TRMT9B: variants seen among roughly 807,000 people sequenced by gnomAD.
The protein encoded by TRMT9B is probable tRNA methyltransferase 9B.
TRMT9B carries 16 observed loss-of-function variants against 11.5 expected under a neutral mutation model. That is an observed-to-expected ratio of 1.39 (90% CI 0.94 to 2.11). The LOEUF is 2.11. Ranked by LOEUF, TRMT9B falls within the 30% of genes most tolerant of loss-of-function variation. The probability of loss-of-function intolerance (pLI) is 0.00; values close to 1 mark genes in which losing one functional copy is unlikely to be tolerated. For synonymous variants in TRMT9B, 274 were observed against 192.4 expected (o/e 1.42, Z -3.51); for missense variants, 941 against 553.8 (o/e 1.70, Z -7.02).
rs1314176529 is a variant in TRMT9B, at chr8:12,987,632, C to T, written c.-199-3202C>T. ...ATTTGCACCTGGGAGGTCAAGGCTG[C>T]AGTGAGCTACGATGGTGCCACTGCA... On this transcript the variant is annotated intron_variant, in intron 1 of 4. Coordinates refer to ENST00000524591, the MANE Select transcript of TRMT9B (RefSeq NM_020844.3). Among the ~76,000 whole-genome samples the T allele has an allele frequency of 2.0e-5, 3 of 152,018 alleles. No homozygotes were observed. The East Asian group carries it at 5.8e-4, about 29-fold the overall frequency.
chr8:12,983,980 A>G (rs1271984830), intron 1 of TRMT9B, among the ~76,000 whole-genome samples: 1 of 152,188 alleles, frequency 6.6e-6, no homozygotes, highest in Non-Finnish European at 1.5e-5. Context: ...GAATAAGTAT[A>G]TGAACATGAT....
intron 2 of TRMT9B, among the ~76,000 whole-genome samples, chr8:12,996,781 G>A (rs560996124): frequency 1.3e-5 from 2 of 151,998 alleles, no homozygotes; most frequent in African/African-American, 2.4e-5. Flanking sequence ...TAACCTGAGC[G>A]CCCTCATGTA....
intron 1 of TRMT9B, among the ~76,000 whole-genome samples, chr8:12,977,829 AT>A (rs1371205321): frequency 7.9e-5 from 12 of 151,098 alleles, no homozygotes; most frequent in African/African-American, 2.7e-4. Context: ...AGCCTGGGCA[AT>A]ATAGCAAGAC....
chr8:12,964,370 C>T (rs2466244), intron 1 of TRMT9B, among the ~76,000 whole-genome samples: 122,217 of 152,150 alleles, frequency 0.8, 49,134 homozygotes, highest in Middle Eastern at 0.89. Flanking sequence ...GATAGCCACT[C>T]ACCAGAACAT....
In TRMT9B at chr8:13,027,790, CG is replaced by C. The variant is rs1462751985; in HGVS notation, c.*5748del. ...ACCCGTCCAGCAGATGGGAAAACCA[CG>C]GAAGTGGGAGGGAATCAAGAAGCAT... On this transcript the variant is annotated 3_prime_UTR_variant, in exon 5 of 5. Coordinates refer to ENST00000524591, the MANE Select transcript of TRMT9B (RefSeq NM_020844.3). 6.9e-6 allele frequency: 1 copy of C among 145,706 alleles called. No individual in the cohort carries two copies. The highest frequency in any genetic ancestry group is 1.6e-5 in the Non-Finnish European group (1 of 61,966). 9.0% of individuals were successfully genotyped at this position (145,706 alleles called of 1,614,324 possible). A position where few individuals can be genotyped will look rare whatever the true frequency, so the allele number is the denominator to read the frequency against.
intron 1 of TRMT9B, among the ~76,000 whole-genome samples, chr8:12,986,751 A>C (rs1015758731): frequency 3.9e-5 from 6 of 152,224 alleles, no homozygotes; most frequent in Non-Finnish European, 5.9e-5. Context: ...CATCTTCAGC[A>C]TGTTCCCTGC....
At position 12,954,959 on chromosome 8, in the gene TRMT9B, G is replaced by A. The variant is rs114352415; in HGVS notation, c.-200+8993G>A. Among the ~76,000 whole-genome samples the A allele has an allele frequency of 4.7e-3, 719 of 152,276 alleles. 7 individuals are homozygous for A. The highest frequency in any genetic ancestry group is 0.015 in the African/African-American group (626 of 41,554). On this transcript the variant is annotated intron_variant, in intron 1 of 4. Coordinates refer to ENST00000524591, the MANE Select transcript of TRMT9B (RefSeq NM_020844.3). ...TAATGACACCTCCCCAGGTGGCTGT[G>A]GGGAGCAAATGAATAGGTGTAAATG...
chr8:12,996,112 C>T (rs1397829694), intron 2 of TRMT9B, among the ~76,000 whole-genome samples: 3 of 152,176 alleles, frequency 2.0e-5, no homozygotes, highest in African/African-American at 7.2e-5. Flanking sequence ...TGGACCTTTA[C>T]ACAATTTATG....
chr8:13,020,011 G>T (rs1238717684), intron 4 of TRMT9B, among the ~76,000 whole-genome samples: 2 of 152,144 alleles, frequency 1.3e-5, no homozygotes, highest in East Asian at 1.9e-4. Context: ...TTCTTTACTA[G>T]TTTGATCTGT....
intron 1 of TRMT9B, chr8:12,960,010 C>T (rs1446556944): frequency 6.6e-6 from 1 of 152,186 alleles, no homozygotes; most frequent in Non-Finnish European, 1.5e-5. Flanking sequence ...CAGCTGATCT[C>T]AATTCAGACA....
chr8:12,979,238 C>G lies in TRMT9B; in HGVS notation c.-199-11596C>G, dbSNP rs568030158. Among the ~76,000 whole-genome samples the G allele has an allele frequency of 4.6e-5, 7 of 152,298 alleles. No individual in the cohort carries two copies. The South Asian group carries it at 6.2e-4, about 14-fold the overall frequency. ...CTGTTCTCAGGGCCCAGTTTTGACC[C>G]CTGCAGGCAATGCCCTGACTTTCGC... On this transcript the variant is annotated intron_variant, in intron 1 of 4. Coordinates refer to ENST00000524591, the MANE Select transcript of TRMT9B (RefSeq NM_020844.3).
Position 13,021,202 on chromosome 8 carries a change from T to C in TRMT9B, c.523T>C (p.Ser175Pro), listed in dbSNP as rs1376896538. ...CCAGCTCTTCTCAGAGTCCAGCCAG[T>C]CTGGGAGGAAGAGGCAGTGTGGATA... is the stretch of plus-strand genomic sequence containing the variant. ...CSQLFSESSQ[S>P]GRKRQCGYPE... is the part of the protein sequence containing the mutation. The change falls in exon 5 of 5, where the codon TCT becomes CCT. Residue 175 changes from serine to proline, a missense_variant. By Grantham distance (74) the Ser-to-Pro change is moderately conservative. Coordinates refer to ENST00000524591, the MANE Select transcript of TRMT9B (RefSeq NM_020844.3). 1 of 1,613,782 alleles carries C rather than the reference T, an allele frequency of 6.2e-7. No homozygotes were observed. The highest frequency in any genetic ancestry group is 2.2e-5 in the East Asian group (1 of 44,874).
intron 4 of TRMT9B, among the ~76,000 whole-genome samples, chr8:13,014,118 C>T (rs531652480): frequency 4.6e-5 from 7 of 152,194 alleles, no homozygotes; most frequent in Non-Finnish European, 4.4e-5. Context: ...ACTATTTCTT[C>T]GTATGCTGAG....
chr8:12,979,687 T>G lies in TRMT9B; in HGVS notation c.-199-11147T>G, dbSNP rs150793509. Reference sequence around the variant, plus strand: ...GCTTTCTGCTACCGTACACCATTGGTTGTCAGAGTCCCATTCTGGACTTAA... The same window carrying G: ...GCTTTCTGCTACCGTACACCATTGGGTGTCAGAGTCCCATTCTGGACTTAA... On this transcript the variant is annotated intron_variant, in intron 1 of 4. Transcript: ENST00000524591. 7.2e-3 allele frequency among the ~76,000 whole-genome samples: 1,102 copies of G among 152,238 alleles called. 10 individuals are homozygous for G. The highest frequency in any genetic ancestry group is 0.026 in the African/African-American group (1,067 of 41,522).
At chr8:12,955,433 C>G (rs139987685) in intron 1 of TRMT9B, among the ~76,000 whole-genome samples, 4 of 152,206 alleles carry the variant, frequency 2.6e-5, no homozygotes, top group Non-Finnish European at 5.9e-5. Flanking sequence ...CTCCTATCCT[C>G]CCTTCTTTTC....
intron 4 of TRMT9B, 27 bp from the exon 5 acceptor site, chr8:13,020,981 A>G (rs1813718924): frequency 6.8e-7 from 1 of 1,461,908 alleles, no homozygotes; most frequent in Non-Finnish European, 9.2e-7. Flanking sequence ...GTGCATACAC[A>G]CTGAGATCTA....
chr8:12,994,004 C>G (rs1270526075), intron 2 of TRMT9B, among the ~76,000 whole-genome samples: 1 of 152,132 alleles, frequency 6.6e-6, no homozygotes, highest in Non-Finnish European at 1.5e-5. Flanking sequence ...CAGTTCTGCT[C>G]CAACCTCTTG....
chr8:12,989,843 T>A (rs1187127918), intron 1 of TRMT9B, among the ~76,000 whole-genome samples: 2 of 152,236 alleles, frequency 1.3e-5, no homozygotes, highest in Admixed American at 1.3e-4. Context: ...AACGCACTTC[T>A]AAAAAGTTAG....
Position 13,027,653 on chromosome 8 carries a change from C to G in TRMT9B, c.*5609C>G, listed in dbSNP as rs1053628448. On this transcript the variant is annotated 3_prime_UTR_variant, in exon 5 of 5. Coordinates refer to ENST00000524591, the MANE Select transcript of TRMT9B (RefSeq NM_020844.3). ...ATAATGACAAGTAATTCCCACATTCCCTAGATATATACTTGGATTTCAAAT... is the reference window on the plus strand; with the variant it reads ...ATAATGACAAGTAATTCCCACATTCGCTAGATATATACTTGGATTTCAAAT... The G allele has an allele frequency of 6.0e-6, 1 of 166,966 alleles. No homozygotes were observed. Among genetic ancestry groups the G allele is most frequent in the African/African-American group, 2.4e-5 (1 of 41,404 alleles). 10.3% of individuals were successfully genotyped at this position (166,966 alleles called of 1,614,324 possible).
Sources: allele counts gnomAD v4.1 joint callset (sites outside exome capture counted in the v4.1 genomes callset), GRCh38; gene constraint gnomAD v4.1.1; transcripts MANE v1.5; gene names NCBI Gene and HGNC (gene_info 2026-07-23, HGNC 2026-07-21).